The following PRIMA1 variants were observed in gnomAD, a reference collection of about 807,000 sequenced individuals.
The protein encoded by PRIMA1 is proline-rich membrane anchor 1.
PRIMA1 carries 7 observed loss-of-function variants against 17.5 expected under a neutral mutation model. The ratio of observed to expected loss-of-function variants is 0.40; its 90% CI spans 0.23 to 0.75. The LOEUF is 0.75. Ranked by LOEUF, PRIMA1 falls within the 30% of genes least tolerant of loss-of-function variation. The pLI is 0.37. For synonymous variants in PRIMA1, 97 were observed against 77.9 expected, an observed-to-expected ratio of 1.25 and a Z score of -1.29; for missense variants, 200 against 201.8, an observed-to-expected ratio of 0.99 and a Z score of 0.05.
intron 3 of PRIMA1, among the ~76,000 whole-genome samples, chr14:93,749,138 GC>G (rs773259099): frequency 2.6e-5 from 4 of 152,010 alleles, no homozygotes; most frequent in Non-Finnish European, 5.9e-5. Context: ...TTCTGTCCTG[GC>G]CCTTGGTCCC....
At chr14:93,723,432 G>A (rs2076055337) in intron 4 of PRIMA1, among the ~76,000 whole-genome samples, 1 of 152,168 alleles carries the variant, frequency 6.6e-6, no homozygotes, top group African/African-American at 2.4e-5. Context: ...GAGTTCAGAG[G>A]AGGCAGGGTC....
intron 4 of PRIMA1, chr14:93,725,810 T>G: frequency 2.7e-6 from 1 of 372,040 alleles, no homozygotes; most frequent in Admixed American, 3.3e-5. Context: ...GCAGCCAAGG[T>G]TCTCCAGTCT....
At chr14:93,728,212 C>T (rs74073898) in intron 4 of PRIMA1, among the ~76,000 whole-genome samples, 3,586 of 152,294 alleles carry the variant, frequency 0.024, 141 homozygotes, top group African/African-American at 0.083. Context: ...ACTCATATGG[C>T]CCAAGGACAC....
chr14:93,770,158 C>G (rs1000334473), intron 3 of PRIMA1, among the ~76,000 whole-genome samples: 1 of 152,182 alleles, frequency 6.6e-6, no homozygotes, highest in Non-Finnish European at 1.5e-5. Flanking sequence ...TCCAGCCCAC[C>G]ACCACCATCT....
intron 2 of PRIMA1, among the ~76,000 whole-genome samples, chr14:93,782,346 C>T (rs749106405): frequency 2.0e-5 from 3 of 151,942 alleles, no homozygotes; most frequent in Admixed American, 6.6e-5. Context: ...TGGCCAGGTG[C>T]GGAGGCTGAC....
intron 2 of PRIMA1, among the ~76,000 whole-genome samples, chr14:93,784,986 T>A (rs1319725085): frequency 6.6e-6 from 1 of 151,738 alleles, no homozygotes; most frequent in African/African-American, 2.4e-5. Flanking sequence ...ATCACTTGGG[T>A]CTGGGGTGGC....
At position 93,726,094 on chromosome 14, in the gene PRIMA1, A is replaced by T; in HGVS notation, c.360-4548T>A. 2 of 455,798 alleles carry T rather than the reference A, an allele frequency of 4.4e-6. No homozygotes were observed. The highest frequency in any genetic ancestry group is 8.8e-6 in the Non-Finnish European group (2 of 226,628). 28.2% of individuals were successfully genotyped at this position (455,798 alleles called of 1,614,324 possible). ...GGAGGGTGGGCTCTGCCACCTTCAG[A>T]CTTCTTGTCCCCTGCCCTGGGCTTG... On this transcript the variant is annotated intron_variant, in intron 4 of 4. Transcript: ENST00000393140. The surrounding 1 kb of genome is among the most constrained non-coding windows in gnomAD (Gnocchi z 4.2).
chr14:93,780,185 C>T (rs990025969), intron 2 of PRIMA1, among the ~76,000 whole-genome samples: 2 of 152,264 alleles, frequency 1.3e-5, no homozygotes, highest in African/African-American at 4.8e-5. Context: ...ACGCCCCTGA[C>T]TCAGCTTGGC....
At chr14:93,740,008 T>C (rs2076175013) in intron 3 of PRIMA1, among the ~76,000 whole-genome samples, 1 of 151,490 alleles carries the variant, frequency 6.6e-6, no homozygotes, top group South Asian at 2.1e-4. Context: ...GAGGTTGCAG[T>C]GAGCTAAGAT....
chr14:93,786,970 C>T (rs1321908546), intron 2 of PRIMA1, among the ~76,000 whole-genome samples: 1 of 152,220 alleles, frequency 6.6e-6, no homozygotes, highest in Non-Finnish European at 1.5e-5. Flanking sequence ...CCAGAGCTGA[C>T]ATCGAAGTCC....
At chr14:93,752,359 C>T (rs1229960756) in intron 3 of PRIMA1, among the ~76,000 whole-genome samples, 1 of 152,228 alleles carries the variant, frequency 6.6e-6, no homozygotes, top group Non-Finnish European at 1.5e-5. Context: ...GAGACCCCCC[C>T]GCCCCCGGCA....
chr14:93,785,918 A>C (rs10145494), intron 2 of PRIMA1, among the ~76,000 whole-genome samples: 14,278 of 149,832 alleles, frequency 0.095, 946 homozygotes, highest in Admixed American at 0.21. Flanking sequence ...ACACACACAC[A>C]CCCCTGCTTG....
chr14:93,754,265 C>T (rs1222726011), intron 3 of PRIMA1, among the ~76,000 whole-genome samples: 1 of 152,164 alleles, frequency 6.6e-6, no homozygotes, highest in East Asian at 1.9e-4. Flanking sequence ...TTGTGGAGCT[C>T]TTCACAATCC....
At chr14:93,753,854 C>T (rs2076275120) in intron 3 of PRIMA1, among the ~76,000 whole-genome samples, 1 of 152,140 alleles carries the variant, frequency 6.6e-6, no homozygotes, top group South Asian at 2.1e-4. Flanking sequence ...CCCGGAAACA[C>T]GAAATCCCAC....
Position 93,741,888 on chromosome 14 carries a change from C to T in PRIMA1, c.230-4518G>A, listed in dbSNP as rs531395618. On this transcript the variant is annotated intron_variant, in intron 3 of 4. Transcript: ENST00000393140. ...AGGCAGGAGTTGACATCTCAGGGGT[C>T]GCAACACCTTGTCTTCCCCGAGGCT... 3.3e-5 allele frequency among the ~76,000 whole-genome samples: 5 copies of T among 152,194 alleles called. No homozygotes were observed. The East Asian group carries it at 7.7e-4, about 24-fold the overall frequency.
chr14:93,786,828 A>C (rs907699738), intron 2 of PRIMA1, among the ~76,000 whole-genome samples: 6 of 152,218 alleles, frequency 3.9e-5, no homozygotes, highest in African/African-American at 1.2e-4. Flanking sequence ...TGCACTAAGT[A>C]ATCCTTACAT....
intron 3 of PRIMA1, among the ~76,000 whole-genome samples, chr14:93,741,044 A>T (rs1006075363): frequency 3.3e-5 from 5 of 152,214 alleles, no homozygotes; most frequent in African/African-American, 1.2e-4. Flanking sequence ...ATATTCTGCA[A>T]GCACACTTAT....
intron 2 of PRIMA1, among the ~76,000 whole-genome samples, chr14:93,785,044 C>G (rs1885484247): frequency 6.6e-6 from 1 of 152,120 alleles, no homozygotes. Context: ...GAGGCTGTCT[C>G]TCTAACTAGT....
chr14:93,770,275 T>C (rs1484660204), intron 3 of PRIMA1, among the ~76,000 whole-genome samples: 1 of 152,184 alleles, frequency 6.6e-6, no homozygotes, highest in Non-Finnish European at 1.5e-5. Flanking sequence ...CTTTGTAAAG[T>C]GCACGTGAGG....
Sources: gnomAD v4.1 joint callset for allele counts (sites outside exome capture counted in the v4.1 genomes callset) on GRCh38, gnomAD v4.1.1 for gene constraint, Gnocchi (gnomAD v3.1) non-coding constraint, MANE v1.5 for transcripts, NCBI Gene and HGNC (gene_info 2026-07-23, HGNC 2026-07-21) for gene names.